The following PDE4DIP variants were observed in gnomAD, a reference collection of about 807,000 sequenced individuals.
The protein encoded by PDE4DIP is myomegalin.
PDE4DIP carries 59 observed loss-of-function variants against 221.4 expected under a neutral mutation model. That is an observed-to-expected ratio of 0.27 (90% CI 0.22 to 0.33). PDE4DIP has a LOEUF of 0.33. Ranked by LOEUF, PDE4DIP falls within the 10% of genes least tolerant of loss-of-function variation. PDE4DIP has a pLI of 1.00. For synonymous variants in PDE4DIP, 404 were observed against 815.9 expected (o/e 0.50, Z 8.60); for missense variants, 1,036 against 2,154.2 (o/e 0.48, Z 10.28).
intron 2 of PDE4DIP, among the ~76,000 whole-genome samples, chr1:148,867,855 TTTA>T (rs1353787482): frequency 7.2e-6 from 1 of 138,126 alleles, no homozygotes; most frequent in Non-Finnish European, 1.6e-5. Flanking sequence ...ACAACAATGA[TTTA>T]TTATTTCTCA....
chr1:149,002,227 T>TG (rs1346247944), intron 24 of PDE4DIP, among the ~76,000 whole-genome samples: 14 of 133,366 alleles, frequency 1.0e-4, no homozygotes, highest in African/African-American at 4.0e-4. Flanking sequence ...GAGTACTTAA[T>TG]TTTTCAGATA....
At chr1:148,994,552 C>T (rs1293510384) in intron 22 of PDE4DIP, among the ~76,000 whole-genome samples, 6 of 149,334 alleles carry the variant, frequency 4.0e-5, no homozygotes, top group South Asian at 2.2e-4. Context: ...ATTGACAAAT[C>T]GTAATTGTAT....
At chr1:148,984,014 A>G (rs1574856148) in intron 21 of PDE4DIP, 1 of 152,046 alleles carries the variant, frequency 6.6e-6, no homozygotes, top group Non-Finnish European at 1.5e-5. Context: ...AACCTCCAAG[A>G]GGACTTATTT....
intron 1 of PDE4DIP, among the ~76,000 whole-genome samples, chr1:148,820,723 G>A (rs1213041729): frequency 4.0e-5 from 6 of 148,340 alleles, no homozygotes; most frequent in East Asian, 1.9e-4. Context: ...TTGGGGGGGG[G>A]GTGGCTAGAA....
chr1:148,976,585 A>T (rs1429607480), intron 17 of PDE4DIP, among the ~76,000 whole-genome samples: 1 of 152,180 alleles, frequency 6.6e-6, no homozygotes, highest in Non-Finnish European at 1.5e-5. Flanking sequence ...TGAGGTAGGT[A>T]GTGAATGAAA....
chr1:148,987,219 G>T (rs1355448893), intron 21 of PDE4DIP, among the ~76,000 whole-genome samples: 1 of 152,174 alleles, frequency 6.6e-6, no homozygotes, highest in East Asian at 1.9e-4. Flanking sequence ...GCAGACAGCA[G>T]TTTTCTACCA....
chr1:148,963,629 G>T (rs1380014946), intron 9 of PDE4DIP, among the ~76,000 whole-genome samples: 4 of 151,200 alleles, frequency 2.6e-5, no homozygotes, highest in African/African-American at 9.7e-5. Flanking sequence ...AACCACTAAG[G>T]TCAGAGGAAT....
intron 41 of PDE4DIP, 40 bp from the exon 45 acceptor site, chr1:149,029,747 C>A (rs782573324): frequency 2.9e-6 from 3 of 1,029,902 alleles, no homozygotes; most frequent in African/African-American, 3.2e-5. Context: ...GTGCTTTAGG[C>A]CTTCTGCCTG....
chr1:149,025,535 A>G (rs1297881325), intron 38 of PDE4DIP: 7 of 151,780 alleles, frequency 4.6e-5, no homozygotes, highest in Non-Finnish European at 8.8e-5. Context: ...CACTTCTCCC[A>G]GTTTTCATTG....
intron 40 of PDE4DIP, among the ~76,000 whole-genome samples, chr1:149,028,307 C>T (rs1357138873): frequency 6.8e-6 from 1 of 147,550 alleles, no homozygotes; most frequent in Non-Finnish European, 1.5e-5. Context: ...TTATCTCAGG[C>T]AAGGAAGGTA....
chr1:148,930,133 G>C (rs1225852771), intron 2 of PDE4DIP: 2 of 151,442 alleles, frequency 1.3e-5, no homozygotes, highest in African/African-American at 4.9e-5. Flanking sequence ...TAAAAGCTTA[G>C]TGTTAAATGA....
At chr1:148,962,336 C>T (rs201947698) in intron 8 of PDE4DIP, 48 bp downstream of exon 11, 3 of 1,503,208 alleles carry the variant, frequency 2.0e-6, no homozygotes, top group Non-Finnish European at 2.8e-6. Context: ...TGGGGATGTG[C>T]CATTTTGGTT....
At chr1:148,823,550 C>T (rs1669864697) in intron 1 of PDE4DIP, among the ~76,000 whole-genome samples, 1 of 150,498 alleles carries the variant, frequency 6.6e-6, no homozygotes. Flanking sequence ...CCCTACAACA[C>T]CAGCTCCGAG....
rs587772711 is a variant in PDE4DIP, at chr1:148,999,482, C to T, written c.3137+1107C>T. Among the ~76,000 whole-genome samples the T allele has an allele frequency of 5.3e-5, 8 of 152,344 alleles. No homozygotes were observed. In the South Asian group the frequency reaches 1.4e-3, roughly 28 times the overall value. ...GTTTCAAGTGACTTGCTCAAGGTTG[C>T]ATAATATCTGTGGCTCCCAATTTCT... On this transcript the variant is annotated intron_variant, in intron 23 of 43. Transcript: ENST00000369354.
chr1:148,885,936 C>T (rs1695896225), upstream of PDE4DIP, among the ~76,000 whole-genome samples: 1 of 94,410 alleles, frequency 1.1e-5, no homozygotes, highest in Non-Finnish European at 2.2e-5. Flanking sequence ...GTAAGATTTA[C>T]AGACAGATGA....
chr1:149,027,917 G>T (rs1217254078), intron 40 of PDE4DIP, among the ~76,000 whole-genome samples: 1 of 70,876 alleles, frequency 1.4e-5, no homozygotes, highest in Non-Finnish European at 2.6e-5. Context: ...AGTCATGCAG[G>T]CACATGACCA....
intron 2 of PDE4DIP, 150 bp from the exon 6 acceptor site, chr1:148,931,650 A>T (rs2048020717): frequency 2.3e-6 from 2 of 884,692 alleles, no homozygotes; most frequent in Non-Finnish European, 1.9e-6. Flanking sequence ...GCTGCATAGA[A>T]ATGGGAATGC....
intron 38 of PDE4DIP, among the ~76,000 whole-genome samples, chr1:149,025,116 A>G (rs1296144423): frequency 4.0e-5 from 6 of 149,702 alleles, no homozygotes; most frequent in Admixed American, 4.0e-4. Flanking sequence ...TTTCACATAT[A>G]TAATTTCATC....
intron 1 of PDE4DIP, among the ~76,000 whole-genome samples, chr1:148,927,479 G>A (rs1348616): frequency 3.3e-5 from 5 of 151,794 alleles, no homozygotes; most frequent in Middle Eastern, 3.2e-3. Flanking sequence ...TTTGTGTTTC[G>A]ACCACCCTGC....
Sources: gnomAD v4.1 joint callset for allele counts (sites outside exome capture counted in the v4.1 genomes callset) on GRCh38, gnomAD v4.1.1 for gene constraint, MANE v1.5 for transcripts, NCBI Gene and HGNC (gene_info 2026-07-23, HGNC 2026-07-21) for gene names.